Variants in SDK1 observed in about 807,000 individuals in gnomAD.
The protein encoded by SDK1 is sidekick cell adhesion molecule 1.
Under a neutral mutation model 245.5 loss-of-function variants are expected in SDK1, and 157 were observed. The observed-to-expected ratio is 0.64, with a 90% CI of 0.56 to 0.73. The LOEUF (loss-of-function observed/expected upper bound fraction) is 0.73, where lower values mean the gene tolerates loss of function less well. SDK1 is among the 30% of genes least tolerant of loss of function. The probability of loss-of-function intolerance (pLI) is 0.00; values close to 1 mark genes in which losing one functional copy is unlikely to be tolerated. For missense variants in SDK1, 3,583 were observed against 3,002.3 expected, an observed-to-expected ratio of 1.19 and a Z score of -4.52; for synonymous variants, 1,647 against 1,278.5, an observed-to-expected ratio of 1.29 and a Z score of -6.15.
At chr7:3,347,208 G>T (rs7797018) in intron 1 of SDK1, among the ~76,000 whole-genome samples, 66,831 of 151,502 alleles carry the variant, frequency 0.44, 14,776 homozygotes, top group East Asian at 0.51. Flanking sequence ...TCTTCTCCAG[G>T]TGCACAAACC....
intron 19 of SDK1, among the ~76,000 whole-genome samples, chr7:4,067,624 G>A (rs1442936220): frequency 6.6e-6 from 1 of 152,228 alleles, no homozygotes; most frequent in East Asian, 1.9e-4. Flanking sequence ...AGTGCCCTGT[G>A]TGGCTGGGAT....
chr7:3,781,512 A>G (rs1234725648), intron 4 of SDK1, among the ~76,000 whole-genome samples: 10 of 152,182 alleles, frequency 6.6e-5, no homozygotes, highest in African/African-American at 2.2e-4. Flanking sequence ...AAGGATTACA[A>G]TGACTCAAGG....
At chr7:3,512,345 A>G (rs1297087562) in intron 1 of SDK1, among the ~76,000 whole-genome samples, 1 of 152,200 alleles carries the variant, frequency 6.6e-6, no homozygotes, top group Non-Finnish European at 1.5e-5. Flanking sequence ...TGGCTATATC[A>G]AAGTTTATGT....
intron 5 of SDK1, among the ~76,000 whole-genome samples, chr7:3,836,606 C>T (rs1435657996): frequency 6.6e-6 from 1 of 152,180 alleles, no homozygotes; most frequent in Non-Finnish European, 1.5e-5. Flanking sequence ...GGCTAAGATT[C>T]AGAAACATTT....
chr7:3,332,430 G>A (rs1252493285), intron 1 of SDK1, among the ~76,000 whole-genome samples: 2 of 152,018 alleles, frequency 1.3e-5, no homozygotes, highest in African/African-American at 2.4e-5. Context: ...AAAGGGATAT[G>A]GTTCAACAGG....
intron 5 of SDK1, among the ~76,000 whole-genome samples, chr7:3,897,256 T>C (rs912513922): frequency 1.3e-4 from 20 of 152,290 alleles, no homozygotes; most frequent in African/African-American, 4.6e-4. Context: ...GTAAGAAGTA[T>C]TATGCACATT....
chr7:4,080,455 G>A (rs529035879), intron 22 of SDK1, among the ~76,000 whole-genome samples: 145 of 152,142 alleles, frequency 9.5e-4, no homozygotes, highest in Non-Finnish European at 1.6e-3. Context: ...AAATCCTTGT[G>A]GTTTTCATGA....
At chr7:3,830,852 A>G (rs1215751421) in intron 5 of SDK1, among the ~76,000 whole-genome samples, 1 of 152,164 alleles carries the variant, frequency 6.6e-6, no homozygotes, top group Non-Finnish European at 1.5e-5. Context: ...GCCAGCAGCG[A>G]ATGCCTGATT....
rs995705211 is a variant in SDK1, at chr7:4,154,113, C to T, written c.4626-4335C>T. ...ACCAAAATGAAGGAATGGAGCTCCT[C>T]CTATTTAAAAGACTCTGCATTTAGC... is the stretch of plus-strand genomic sequence containing the variant. On this transcript the variant is annotated intron_variant, in intron 30 of 44. Coordinates refer to ENST00000404826, the MANE Select transcript of SDK1 (RefSeq NM_152744.4). Among the ~76,000 whole-genome samples the T allele has an allele frequency of 2.0e-5, 3 of 152,186 alleles. No individual in the cohort carries two copies. The East Asian group carries it at 5.8e-4, about 29-fold the overall frequency.
At chr7:3,817,901 T>C (rs1231908085) in intron 4 of SDK1, among the ~76,000 whole-genome samples, 1 of 152,248 alleles carries the variant, frequency 6.6e-6, no homozygotes, top group Non-Finnish European at 1.5e-5. Context: ...TTTACTGAAC[T>C]GCACAGATAC....
intron 1 of SDK1, among the ~76,000 whole-genome samples, chr7:3,392,083 T>C (rs1781773123): frequency 6.6e-6 from 1 of 151,924 alleles, no homozygotes; most frequent in Non-Finnish European, 1.5e-5. Context: ...ATAGAAAGTA[T>C]TAGTATTATA....
At chr7:4,044,504 C>A (rs1040884382) in intron 17 of SDK1, among the ~76,000 whole-genome samples, 1 of 152,128 alleles carries the variant, frequency 6.6e-6, no homozygotes, top group African/African-American at 2.4e-5. Flanking sequence ...AGTGCAGTGG[C>A]AGGAGCATAG....
At position 3,971,555 on chromosome 7, in the gene SDK1, C is replaced by T. The variant is rs1405073262; in HGVS notation, c.1804C>T (p.Arg602Trp). ...GCACTGTGGTGCCACACATGACCCCCGGGTTTCACTCCGGTCAGCACAATC... is the reference window on the plus strand; with the variant it reads ...GCACTGTGGTGCCACACATGACCCCTGGGTTTCACTCCGGTCAGCACAATC... ...TLHCGATHDP[R>W]VSLRYVWKKD... Residue 602 changes from arginine to tryptophan, a missense_variant, in exon 12 of 45, where the codon CGG (arginine) becomes TGG (tryptophan). Coordinates refer to ENST00000404826, the MANE Select transcript of SDK1 (RefSeq NM_152744.4). 7.4e-6 allele frequency: 12 copies of T among 1,611,228 alleles called. No homozygotes were observed. Among genetic ancestry groups the T allele is most frequent in the African/African-American group, 2.7e-5 (2 of 74,868 alleles).
At chr7:3,377,575 A>T (rs1781385484) in intron 1 of SDK1, among the ~76,000 whole-genome samples, 1 of 150,622 alleles carries the variant, frequency 6.6e-6, no homozygotes. Flanking sequence ...TCATCCCACG[A>T]CTCCCCGTCT....
At chr7:3,693,573 T>A (rs1784491760) in intron 4 of SDK1, among the ~76,000 whole-genome samples, 2 of 152,258 alleles carry the variant, frequency 1.3e-5, no homozygotes, top group Admixed American at 6.5e-5. Flanking sequence ...TTTTCATAGA[T>A]GCCATGTTTT....
chr7:3,757,264 C>G (rs1176839849), intron 4 of SDK1, among the ~76,000 whole-genome samples: 1 of 152,148 alleles, frequency 6.6e-6, no homozygotes, highest in Non-Finnish European at 1.5e-5. Flanking sequence ...CAGAACTACT[C>G]AGGAAGTCAC....
intron 1 of SDK1, chr7:3,476,119 A>G (rs1376645340): frequency 2.0e-5 from 3 of 152,640 alleles, no homozygotes; most frequent in Non-Finnish European, 4.4e-5. Flanking sequence ...TTAAGTGACT[A>G]ATTTTCTTTA....
At chr7:3,631,235 C>G (rs1261867687) in intron 2 of SDK1, among the ~76,000 whole-genome samples, 24 of 152,178 alleles carry the variant, frequency 1.6e-4, no homozygotes, top group Admixed American at 1.6e-3. Context: ...CACTCAGCTT[C>G]TAATGCTTTC....
chr7:4,175,903 C>G lies in SDK1; in HGVS notation c.4996+69C>G. The G allele has an allele frequency of 2.1e-6, 3 of 1,429,346 alleles. No homozygotes were observed. In the South Asian group the frequency reaches 3.4e-5, roughly 16 times the overall value. 88.5% of individuals were successfully genotyped at this position (1,429,346 alleles called of 1,614,324 possible). On this transcript the variant is annotated intron_variant, in intron 34 of 44. Transcript: ENST00000404826. ...CACTGTGCCCAGAGCCAGCTGGTCT[C>G]TCAGTGCAAGGGAAAACCAGCCTGG...
Sources: allele counts gnomAD v4.1 joint callset (sites outside exome capture counted in the v4.1 genomes callset), GRCh38; gene constraint gnomAD v4.1.1; transcripts MANE v1.5; gene names NCBI Gene and HGNC (gene_info 2026-07-23, HGNC 2026-07-21).